PDPR: variants seen among roughly 807,000 people sequenced by gnomAD.
The protein encoded by PDPR is pyruvate dehydrogenase phosphatase regulatory subunit, mitochondrial.
In PDPR, 50 loss-of-function variants were observed where a neutral mutation model predicts 102.2. The ratio of observed to expected loss-of-function variants is 0.49; its 90% CI spans 0.39 to 0.62. The LOEUF is 0.62. Ranked by LOEUF, PDPR falls within the 20% of genes least tolerant of loss-of-function variation. The pLI is 0.00. For missense variants in PDPR, 625 were observed against 1,098.2 expected, an observed-to-expected ratio of 0.57 and a Z score of 6.09; for synonymous variants, 259 against 406.0, an observed-to-expected ratio of 0.64 and a Z score of 4.35.
intron 2 of PDPR, among the ~76,000 whole-genome samples, chr16:70,118,786 A>T (rs1419806932): frequency 6.6e-6 from 1 of 152,158 alleles, no homozygotes; most frequent in Admixed American, 6.6e-5. Flanking sequence ...CTTAACAGGG[A>T]CCAGGGATGA....
chr16:70,116,673 T>C (rs909828991), intron 2 of PDPR, among the ~76,000 whole-genome samples: 3 of 151,380 alleles, frequency 2.0e-5, no homozygotes, highest in African/African-American at 7.3e-5. Context: ...CATGAGTACC[T>C]GGGACCACAG....
chr16:70,119,271 C>T (rs1273036286), intron 2 of PDPR, among the ~76,000 whole-genome samples: 4 of 151,992 alleles, frequency 2.6e-5, no homozygotes, highest in African/African-American at 9.7e-5. Flanking sequence ...CTCTGTTTTT[C>T]TTATAATTCT....
chr16:70,122,107 C>A (rs546085533), intron 3 of PDPR, among the ~76,000 whole-genome samples: 5 of 152,264 alleles, frequency 3.3e-5, no homozygotes, highest in Non-Finnish European at 5.9e-5. Context: ...CTGCCTCAGC[C>A]TCCCGAGTTG....
At chr16:70,138,445 G>C (rs1256180923) in intron 10 of PDPR, among the ~76,000 whole-genome samples, 1 of 152,180 alleles carries the variant, frequency 6.6e-6, no homozygotes, top group Non-Finnish European at 1.5e-5. Context: ...TCGAACTCCT[G>C]ACCTCAAGTG....
Position 70,157,479 on chromosome 16 carries a change from G to A in PDPR, c.*600G>A. 1 of 330,640 alleles carries A rather than the reference G, an allele frequency of 3.0e-6. No homozygotes were observed. Among genetic ancestry groups the A allele is most frequent in the Non-Finnish European group, 5.9e-6 (1 of 169,302 alleles). The allele number at this position is 330,640 out of a possible 1,614,324, so 20.5% of individuals were successfully genotyped here. A position where few individuals can be genotyped will look rare whatever the true frequency, so the allele number is the denominator to read the frequency against. On this transcript the variant is annotated 3_prime_UTR_variant, in exon 19 of 19. Transcript: ENST00000288050. ...TCGCATGGACGTTCTCTGGTCTGTA[G>A]TGGAGACAAGCAGTTAACCTAGCAC... is the stretch of plus-strand genomic sequence containing the variant.
rs1967867156 is a variant in PDPR, at chr16:70,162,319, G to A, written c.*5440G>A. 6.5e-6 allele frequency: 1 copy of A among 152,700 alleles called. No homozygotes were observed. Among genetic ancestry groups the A allele is most frequent in the Non-Finnish European group, 1.5e-5 (1 of 68,300 alleles). The allele number at this position is 152,700 out of a possible 1,614,324, so 9.5% of individuals were successfully genotyped here. A position where few individuals can be genotyped will look rare whatever the true frequency, so the allele number is the denominator to read the frequency against. ...CTTAGCCCTTCCCTGTTCCTGTGTA[G>A]TTACAATCTGGCCCTGAAGACATCC... On this transcript the variant is annotated 3_prime_UTR_variant, in exon 19 of 19. Coordinates refer to ENST00000288050, the MANE Select transcript of PDPR (RefSeq NM_017990.5).
chr16:70,154,310 A>G (rs1966879116), intron 18 of PDPR, among the ~76,000 whole-genome samples: 1 of 152,262 alleles, frequency 6.6e-6, no homozygotes, highest in Non-Finnish European at 1.5e-5. Flanking sequence ...CCTGTGTGAC[A>G]GGGCAAGACT....
At chr16:70,145,629 A>C (rs1226689318) in intron 15 of PDPR, 9 of 433,900 alleles carry the variant, frequency 2.1e-5, no homozygotes, top group Middle Eastern at 6.7e-4. Context: ...CTGGATTGGG[A>C]TACTACAGAA....
rs1162339028 is a variant in PDPR, at chr16:70,133,421, C to CTTTTTTTTTTTTTTTTTT, written c.997+1134_997+1135insTTTTTTTTTTTTTTTTTT. 8.1e-4 allele frequency among the ~76,000 whole-genome samples: 84 copies of CTTTTTTTTTTTTTTTTTT among 103,720 alleles called. 13 individuals are homozygous for CTTTTTTTTTTTTTTTTTT. The highest frequency in any genetic ancestry group is 1.5e-3 in the African/African-American group (38 of 24,736). The allele number at this position is 103,720 out of a possible 152,430, so 68.0% of individuals were successfully genotyped here. ...ACAGGCATGAGCCACTGCGTCTGGCCTTTTTTTTTTTTTGAGATAAGAGTC... is the reference window on the plus strand; with the variant it reads ...ACAGGCATGAGCCACTGCGTCTGGCCTTTTTTTTTTTTTTTTTTTTTTTTTTTTTTTGAGATAAGAGTC... On this transcript the variant is annotated intron_variant, in intron 9 of 18. Coordinates refer to ENST00000288050, the MANE Select transcript of PDPR (RefSeq NM_017990.5).
At position 70,160,847 on chromosome 16, in the gene PDPR, C is replaced by T. The variant is rs1455804679; in HGVS notation, c.*3968C>T. 6.6e-6 allele frequency: 1 copy of T among 152,422 alleles called. No homozygotes were observed. The highest frequency in any genetic ancestry group is 1.5e-5 in the Non-Finnish European group (1 of 68,146). The allele number at this position is 152,422 out of a possible 1,614,324, so 9.4% of individuals were successfully genotyped here. ...AGAGCGTTCAGTGTTTCACTGAAGA[C>T]AGGACCCATAGCCTTCATTTCTGGC... On this transcript the variant is annotated 3_prime_UTR_variant, in exon 19 of 19. Transcript: ENST00000288050.
At chr16:70,124,651 C>A (rs565450157) in intron 3 of PDPR, among the ~76,000 whole-genome samples, 1 of 152,378 alleles carries the variant, frequency 6.6e-6, no homozygotes, top group Admixed American at 6.5e-5. Context: ...ACTGTCAAAG[C>A]TGCTCAAGGA....
intron 17 of PDPR, among the ~76,000 whole-genome samples, chr16:70,151,871 C>A (rs565205175): frequency 9.2e-5 from 14 of 152,314 alleles, no homozygotes; most frequent in Non-Finnish European, 1.8e-4. Context: ...CACACTAAAT[C>A]TCTGGTATTT....
intron 3 of PDPR, among the ~76,000 whole-genome samples, chr16:70,124,174 C>A (rs1482804472): frequency 6.6e-6 from 1 of 152,252 alleles, no homozygotes; most frequent in Non-Finnish European, 1.5e-5. Flanking sequence ...ACCAGCCTGC[C>A]CAACATGGGG....
Position 70,150,768 on chromosome 16 carries a change from T to C in PDPR, c.2052+2215T>C, listed in dbSNP as rs375474749. On this transcript the variant is annotated intron_variant, in intron 17 of 18. Coordinates refer to ENST00000288050, the MANE Select transcript of PDPR (RefSeq NM_017990.5). ...CTCTAGTGATCCTCTCACGTCAGCC[T>C]CCCAAAGTATTGGGATTACATGTGT... Among the ~76,000 whole-genome samples, 606 of 152,182 alleles carry C rather than the reference T, an allele frequency of 4.0e-3. 1 individual carries two copies. Among genetic ancestry groups the C allele is most frequent in the African/African-American group, 0.014 (573 of 41,420 alleles).
At chr16:70,138,237 A>ATTTTTTTTTTTTTTTTTTT (rs1965363188) in intron 10 of PDPR, among the ~76,000 whole-genome samples, 1 of 35,860 alleles carries the variant, frequency 2.8e-5, no homozygotes, top group Admixed American at 3.1e-4. Context: ...TTTTTTTTTG[A>ATTTTTTTTTTTTTTTTTTT]GTTGGGGTTT....
At chr16:70,147,726 A>G (rs1222471452) in intron 16 of PDPR, 37 of 377,888 alleles carry the variant, frequency 9.8e-5, no homozygotes, top group Non-Finnish European at 1.9e-4. Context: ...ATCCACCTAC[A>G]AATTGTTTCA....
At chr16:70,119,725 T>A (rs2549084) in intron 2 of PDPR, among the ~76,000 whole-genome samples, 1 of 147,144 alleles carries the variant, frequency 6.8e-6, no homozygotes, top group African/African-American at 2.7e-5. Flanking sequence ...TACTCTATCA[T>A]GTTAGCTTTA....
chr16:70,163,178 C>T (rs1479628120), downstream of PDPR, among the ~76,000 whole-genome samples: 1 of 152,244 alleles, frequency 6.6e-6, no homozygotes, highest in Non-Finnish European at 1.5e-5. Context: ...AAACCCCCAA[C>T]CTCAAGTGAT....
intron 11 of PDPR, among the ~76,000 whole-genome samples, chr16:70,140,233 T>TGG (rs1324607779): frequency 6.6e-6 from 1 of 152,226 alleles, no homozygotes; most frequent in African/African-American, 2.4e-5. Flanking sequence ...CCCAGCTACT[T>TGG]GGGAGGCTGA....
Sources: allele counts gnomAD v4.1 joint callset (sites outside exome capture counted in the v4.1 genomes callset), GRCh38; gene constraint gnomAD v4.1.1; transcripts MANE v1.5; gene names NCBI Gene and HGNC (gene_info 2026-07-23, HGNC 2026-07-21).